Variants in BCAS1 observed in about 807,000 individuals in gnomAD.
The protein encoded by BCAS1 is brain enriched myelin associated protein 1.
BCAS1 carries 46 observed loss-of-function variants against 65.4 expected under a neutral mutation model. That is an observed-to-expected ratio of 0.70 (90% CI 0.55 to 0.90). The LOEUF is 0.90. Among genes scored for constraint, BCAS1 ranks in the 40% least tolerant of loss-of-function variants. BCAS1 has a pLI of 0.00. For synonymous variants in BCAS1, 298 were observed against 293.5 expected (o/e 1.02, Z -0.16); for missense variants, 793 against 771.2 (o/e 1.03, Z -0.33).
chr20:54,049,115 T>G (rs1211727612), intron 3 of BCAS1, among the ~76,000 whole-genome samples: 1 of 152,238 alleles, frequency 6.6e-6, no homozygotes, highest in Non-Finnish European at 1.5e-5. Context: ...GCATTGATAT[T>G]GGCAAATGCT....
intron 3 of BCAS1, among the ~76,000 whole-genome samples, chr20:54,054,075 G>A (rs193247007): frequency 3.9e-5 from 6 of 152,316 alleles, no homozygotes; most frequent in Admixed American, 1.3e-4. Flanking sequence ...GAGAGCATAT[G>A]CAGTGGAACT....
chr20:54,018,130 C>T (rs1005419971), intron 4 of BCAS1, among the ~76,000 whole-genome samples: 2 of 152,196 alleles, frequency 1.3e-5, no homozygotes, highest in African/African-American at 4.8e-5. Context: ...ACTGTTTAAA[C>T]ACTTCTCTGT....
At chr20:53,963,317 T>C (rs965831446) in intron 10 of BCAS1, among the ~76,000 whole-genome samples, 4 of 151,408 alleles carry the variant, frequency 2.6e-5, no homozygotes, top group Non-Finnish European at 5.9e-5. Context: ...CCCTGTCTCT[T>C]CTAAAAACAC....
chr20:53,986,579 A>G (rs538422553), intron 7 of BCAS1, among the ~76,000 whole-genome samples: 2 of 152,298 alleles, frequency 1.3e-5, no homozygotes, highest in East Asian at 3.9e-4. Context: ...TTTTCTGACT[A>G]AAAGAAAAAA....
intron 3 of BCAS1, among the ~76,000 whole-genome samples, chr20:54,043,775 G>A (rs911976202): frequency 1.3e-5 from 2 of 152,134 alleles, no homozygotes; most frequent in Non-Finnish European, 2.9e-5. Context: ...ACATCTAACC[G>A]GTACCCAGGT....
chr20:53,966,746 A>C (rs968797032), intron 10 of BCAS1, among the ~76,000 whole-genome samples, 160 bp downstream of exon 10: 2 of 152,228 alleles, frequency 1.3e-5, no homozygotes, highest in African/African-American at 4.8e-5. Flanking sequence ...TTGAATCAGA[A>C]GGAAGAAAGG....
intron 7 of BCAS1, among the ~76,000 whole-genome samples, chr20:53,986,663 C>T (rs1418661668): frequency 2.0e-5 from 3 of 152,096 alleles, no homozygotes; most frequent in Admixed American, 1.3e-4. Flanking sequence ...TTTGGGAGGC[C>T]GACGTGGGAA....
At chr20:53,957,959 A>G (rs1015170829) in intron 10 of BCAS1, among the ~76,000 whole-genome samples, 5 of 151,286 alleles carry the variant, frequency 3.3e-5, no homozygotes, top group Non-Finnish European at 7.4e-5. Context: ...AGCACCCCCT[A>G]TAGCCAGCAA....
intron 7 of BCAS1, among the ~76,000 whole-genome samples, chr20:53,989,138 G>T (rs569720648): frequency 6.6e-6 from 1 of 152,126 alleles, no homozygotes; most frequent in Admixed American, 6.5e-5. Flanking sequence ...TTAAAATTTC[G>T]TGGAGGGAAG....
intron 8 of BCAS1, among the ~76,000 whole-genome samples, chr20:53,978,325 C>T (rs2090389645): frequency 6.6e-6 from 1 of 151,998 alleles, no homozygotes; most frequent in Non-Finnish European, 1.5e-5. Context: ...TAAACTGACT[C>T]TCTTTTTACT....
intron 10 of BCAS1, among the ~76,000 whole-genome samples, chr20:53,957,856 G>A (rs1467748697): frequency 2.0e-5 from 3 of 151,322 alleles, no homozygotes; most frequent in Non-Finnish European, 2.9e-5. Flanking sequence ...CTTCCACTGG[G>A]AATATTTAGG....
chr20:53,997,757 C>A (rs1038709510), intron 4 of BCAS1, among the ~76,000 whole-genome samples: 1 of 152,062 alleles, frequency 6.6e-6, no homozygotes, highest in African/African-American at 2.4e-5. Flanking sequence ...ACAAGTGAGA[C>A]CTAAAACGTA....
In BCAS1 at chr20:53,995,902, A is replaced by G. The variant is rs1458644311; in HGVS notation, c.872T>C (p.Phe291Ser). ...AENNNSIMSFFKTLVSPNKAE... is the reference protein window; with the variant it reads ...AENNNSIMSFSKTLVSPNKAE... ...GAGAAAACTGCTTACCAGAGTTTTA[A>G]AGAAACTCATGATGGAATTATTATT... is the stretch of plus-strand genomic sequence containing the variant. Residue 291 changes from phenylalanine to serine, a missense_variant, in exon 5 of 13, where the codon TTT (phenylalanine) becomes TCT (serine). Physicochemically the swap from Phe to Ser is radical, Grantham distance 155. Coordinates refer to ENST00000688948, the MANE Select transcript of BCAS1 (RefSeq NM_001366298.2). 1.2e-6 allele frequency: 2 copies of G among 1,603,484 alleles called. No homozygotes were observed. Among genetic ancestry groups the G allele is most frequent in the South Asian group, 2.2e-5 (2 of 89,078 alleles).
chr20:53,995,461 C>A lies in BCAS1; in HGVS notation c.883-405G>T, dbSNP rs1284348390. ...ATAGCCCAAACACATTTGGGACAGT[C>A]TGCTTCACTATGCATTCATTCATTC... On this transcript the variant is annotated intron_variant, in intron 5 of 12. Coordinates refer to ENST00000688948, the MANE Select transcript of BCAS1 (RefSeq NM_001366298.2). 2.0e-5 allele frequency among the ~76,000 whole-genome samples: 3 copies of A among 149,140 alleles called. No homozygotes were observed. The East Asian group carries it at 5.9e-4, about 29-fold the overall frequency.
intron 9 of BCAS1, 46 bp from the exon 10 acceptor site, chr20:53,967,119 C>G: frequency 1.3e-6 from 2 of 1,589,974 alleles, no homozygotes; most frequent in Non-Finnish European, 1.7e-6. Context: ...ACAAAACATT[C>G]CCCCAAAACA....
intron 4 of BCAS1, among the ~76,000 whole-genome samples, chr20:54,027,261 A>T (rs1302206321): frequency 6.6e-6 from 1 of 152,208 alleles, no homozygotes; most frequent in East Asian, 1.9e-4. Flanking sequence ...AACTCTCCAG[A>T]GTGTTCAGCG....
At chr20:54,036,886 A>G (rs1231290108) in intron 3 of BCAS1, among the ~76,000 whole-genome samples, 2 of 151,396 alleles carry the variant, frequency 1.3e-5, no homozygotes, top group African/African-American at 4.8e-5. Context: ...CTTAAGAAAC[A>G]TAAGTATCTG....
chr20:54,011,065 T>C (rs1006202667), intron 4 of BCAS1, among the ~76,000 whole-genome samples: 5 of 152,260 alleles, frequency 3.3e-5, no homozygotes, highest in East Asian at 1.9e-4. Flanking sequence ...TCTCACATCT[T>C]ATATAAAAAT....
chr20:53,998,022 T>A (rs896872509), intron 4 of BCAS1, among the ~76,000 whole-genome samples: 6 of 152,234 alleles, frequency 3.9e-5, no homozygotes, highest in Admixed American at 3.9e-4. Flanking sequence ...GAGACACTTC[T>A]GTTTCCTCAA....
Sources: allele counts gnomAD v4.1 joint callset (sites outside exome capture counted in the v4.1 genomes callset), GRCh38; gene constraint gnomAD v4.1.1; transcripts MANE v1.5; gene names NCBI Gene and HGNC (gene_info 2026-07-23, HGNC 2026-07-21).